FBLN5: variants seen among roughly 807,000 people sequenced by gnomAD.
The protein encoded by FBLN5 is fibulin 5.
In FBLN5, 24 loss-of-function variants were observed where a neutral mutation model predicts 61.6. That is an observed-to-expected ratio of 0.39 (90% confidence interval 0.28 to 0.55). The LOEUF (loss-of-function observed/expected upper bound fraction) is 0.55. Among genes scored for constraint, FBLN5 ranks in the 20% least tolerant of loss-of-function variants. The pLI, the probability that FBLN5 is intolerant of heterozygous loss-of-function variation, is 0.65. For synonymous variants in FBLN5, 213 were observed against 219.8 expected (o/e 0.97, Z 0.27); for missense variants, 470 against 594.1 (o/e 0.79, Z 2.17).
intron 10 of FBLN5, among the ~76,000 whole-genome samples, chr14:91,876,427 A>G (rs1889165172): frequency 6.6e-6 from 1 of 152,210 alleles, no homozygotes; most frequent in African/African-American, 2.4e-5. Flanking sequence ...CCCCAAAAAG[A>G]TGCAAGTCCT....
chr14:91,879,512 C>T (rs932731755), intron 9 of FBLN5, among the ~76,000 whole-genome samples: 2 of 152,158 alleles, frequency 1.3e-5, no homozygotes, highest in African/African-American at 4.8e-5. Context: ...CCAGAGACTC[C>T]ACCAGTAACT....
chr14:91,887,670 A>C (rs1456529825), intron 6 of FBLN5, among the ~76,000 whole-genome samples: 2 of 152,110 alleles, frequency 1.3e-5, no homozygotes, highest in Admixed American at 1.3e-4. Flanking sequence ...CACCGGTTGC[A>C]TTCCATCAGT....
intron 6 of FBLN5, among the ~76,000 whole-genome samples, chr14:91,889,932 G>C (rs1889912361): frequency 6.6e-6 from 1 of 152,222 alleles, no homozygotes. Flanking sequence ...GGAGGTACTG[G>C]GGGCACGGTG....
At chr14:91,932,530 C>T (rs564284990) in intron 4 of FBLN5, among the ~76,000 whole-genome samples, 3 of 152,278 alleles carry the variant, frequency 2.0e-5, no homozygotes, top group African/African-American at 4.8e-5. Context: ...AAAAGTAAAC[C>T]GCCGTGAAAG....
intron 4 of FBLN5, among the ~76,000 whole-genome samples, chr14:91,922,835 C>T (rs2055763373): frequency 1.3e-5 from 2 of 152,160 alleles, no homozygotes; most frequent in African/African-American, 4.8e-5. Context: ...GCCCTATCAT[C>T]ACAGTGAGAG....
intron 4 of FBLN5, among the ~76,000 whole-genome samples, chr14:91,936,551 C>A (rs973858740): frequency 6.6e-6 from 1 of 152,170 alleles, no homozygotes; most frequent in Non-Finnish European, 1.5e-5. Flanking sequence ...GAGGACAGAG[C>A]TTTGGCCCTG....
At chr14:91,889,243 G>A (rs960976793) in intron 6 of FBLN5, among the ~76,000 whole-genome samples, 10 of 152,206 alleles carry the variant, frequency 6.6e-5, no homozygotes, top group Admixed American at 3.3e-4. Flanking sequence ...GGACAGTGCC[G>A]GCAAGTGTTA....
At chr14:91,914,726 GA>G (rs1437512991) in intron 4 of FBLN5, among the ~76,000 whole-genome samples, 4 of 150,274 alleles carry the variant, frequency 2.7e-5, no homozygotes, top group African/African-American at 9.7e-5. Context: ...AAAGCAAAAG[GA>G]AAAGAAAGAG....
chr14:91,934,380 G>A (rs1224190084), intron 4 of FBLN5, among the ~76,000 whole-genome samples: 1 of 152,094 alleles, frequency 6.6e-6, no homozygotes, highest in African/African-American at 2.4e-5. Context: ...TAGTTTCTCT[G>A]CTTCGGTTTC....
intron 4 of FBLN5, among the ~76,000 whole-genome samples, chr14:91,919,322 C>T (rs1409599538): frequency 1.5e-5 from 2 of 130,474 alleles, no homozygotes; most frequent in Non-Finnish European, 3.2e-5. Context: ...CAGAGCAAGA[C>T]TCTGTCTCAA....
chr14:91,932,531 G>A (rs368669290), intron 4 of FBLN5, among the ~76,000 whole-genome samples: 3 of 152,166 alleles, frequency 2.0e-5, no homozygotes, highest in Non-Finnish European at 2.9e-5. Flanking sequence ...AAAGTAAACC[G>A]CCGTGAAAGG....
intron 4 of FBLN5, among the ~76,000 whole-genome samples, chr14:91,916,947 G>A (rs565230883): frequency 6.6e-6 from 1 of 152,284 alleles, no homozygotes; most frequent in East Asian, 1.9e-4. Context: ...GGGTGGGCTT[G>A]TGATGTAGGC....
chr14:91,873,411 A>G lies in FBLN5; in HGVS notation c.1186-3026T>C, dbSNP rs1053245165. The G allele has an allele frequency of 2.0e-5, 3 of 152,358 alleles. No homozygotes were observed. In the South Asian group the frequency reaches 6.2e-4, roughly 32 times the overall value. 9.4% of individuals were successfully genotyped at this position (152,358 alleles called of 1,614,324 possible). A position where few individuals can be genotyped will look rare whatever the true frequency, so the allele number is the denominator to read the frequency against. On this transcript the variant is annotated intron_variant, in intron 10 of 10. Coordinates refer to ENST00000342058, the MANE Select transcript of FBLN5 (RefSeq NM_006329.4). Reference sequence around the variant, plus strand: ...CTACATAAGGCCACCAAACTACTGCATGGTACTAGACTTTATGGCTCCAAA... The same window carrying G: ...CTACATAAGGCCACCAAACTACTGCGTGGTACTAGACTTTATGGCTCCAAA...
chr14:91,923,771 G>T (rs1420132770), intron 4 of FBLN5, among the ~76,000 whole-genome samples: 2 of 152,108 alleles, frequency 1.3e-5, no homozygotes, highest in Admixed American at 1.3e-4. Context: ...GATCCTGAGG[G>T]CAGGGACAGC....
At chr14:91,889,589 G>A (rs185879005) in intron 6 of FBLN5, among the ~76,000 whole-genome samples, 1 of 152,314 alleles carries the variant, frequency 6.6e-6, no homozygotes, top group East Asian at 1.9e-4. Context: ...ACAAACACCT[G>A]CCTGCTGACC....
At chr14:91,889,833 A>G (rs1261910696) in intron 6 of FBLN5, among the ~76,000 whole-genome samples, 1 of 152,196 alleles carries the variant, frequency 6.6e-6, no homozygotes, top group Non-Finnish European at 1.5e-5. Context: ...TGGCACTGCC[A>G]GGTGTATTAT....
chr14:91,913,117 T>C (rs1195955435), intron 4 of FBLN5, among the ~76,000 whole-genome samples: 1 of 152,204 alleles, frequency 6.6e-6, no homozygotes, highest in Non-Finnish European at 1.5e-5. Flanking sequence ...TCTATTCCCT[T>C]AGGGAAGTCT....
chr14:91,940,437 C>A, intron 3 of FBLN5, 128 bp downstream of exon 3: 1 of 819,112 alleles, frequency 1.2e-6, no homozygotes. Context: ...CCACTGACTT[C>A]AGTCATTCCA....
rs528473579 is a variant in FBLN5 at position 91,931,802 on chromosome 14, C to T, written c.379+5145G>A. ...GGAATGAGTTGACAGAGTTGAGTGGCGGCCACGTTCAGGGACCCGGTCTTA... is the reference window on the plus strand; with the variant it reads ...GGAATGAGTTGACAGAGTTGAGTGGTGGCCACGTTCAGGGACCCGGTCTTA... On this transcript the variant is annotated intron_variant, in intron 4 of 10. Coordinates refer to ENST00000342058, the MANE Select transcript of FBLN5 (RefSeq NM_006329.4). 2.6e-5 allele frequency among the ~76,000 whole-genome samples: 4 copies of T among 152,220 alleles called. No homozygotes were observed. In the South Asian group the frequency reaches 6.2e-4, roughly 24 times the overall value.
Sources: gnomAD v4.1 joint callset for allele counts (sites outside exome capture counted in the v4.1 genomes callset) on GRCh38, gnomAD v4.1.1 for gene constraint, MANE v1.5 for transcripts, NCBI Gene and HGNC (gene_info 2026-07-23, HGNC 2026-07-21) for gene names.